The following FYB1 variants were observed in gnomAD, a reference collection of about 807,000 sequenced individuals.
FYB1 encodes FYN-binding protein 1.
A neutral mutation model predicts 94.1 loss-of-function variants in FYB1; 41 were observed. The ratio of observed to expected loss-of-function variants is 0.44; its 90% CI spans 0.34 to 0.57. The LOEUF (loss-of-function observed/expected upper bound fraction) is 0.57. FYB1 is among the 20% of genes least tolerant of loss of function. The probability of loss-of-function intolerance (pLI) is 0.02; values close to 1 mark genes in which losing one functional copy is unlikely to be tolerated. For missense variants in FYB1, 1,050 were observed against 976.8 expected (o/e 1.07, Z -1.00); for synonymous variants, 367 against 353.2 (o/e 1.04, Z -0.44).
intron 1 of FYB1, among the ~76,000 whole-genome samples, chr5:39,226,344 C>T (rs1750470828): frequency 6.6e-6 from 1 of 151,916 alleles, no homozygotes; most frequent in South Asian, 2.1e-4. Flanking sequence ...CATGATCTTC[C>T]TATGCTTAAC....
chr5:39,266,777 T>C (rs1467092828), intron 1 of FYB1, among the ~76,000 whole-genome samples: 1 of 152,156 alleles, frequency 6.6e-6, no homozygotes, highest in Admixed American at 6.5e-5. Context: ...AACATTTCAA[T>C]AAAGTGCACT....
At chr5:39,141,938 G>A (rs1327175516) in intron 3 of FYB1, among the ~76,000 whole-genome samples, 6 of 150,672 alleles carry the variant, frequency 4.0e-5, no homozygotes, top group Non-Finnish European at 8.8e-5. Context: ...AGATGCTTTT[G>A]TCTTGGCTTC....
chr5:39,218,071 T>TG (rs776919895), intron 1 of FYB1, among the ~76,000 whole-genome samples: 8 of 152,204 alleles, frequency 5.3e-5, no homozygotes, highest in Non-Finnish European at 8.8e-5. Context: ...CAGCAGAAGC[T>TG]GGGGGGAATT....
Position 39,246,290 on chromosome 5 carries a change from G to T in FYB1, c.-28+28113C>A, listed in dbSNP as rs968812381. ...CATCTGTCCACTAACCCATAAAATT[G>T]TAGATGTTTAAAGCTCAAGTGTAAG... On this transcript the variant is annotated intron_variant, in intron 1 of 1. Transcript: ENST00000510188. Among the ~76,000 whole-genome samples, 53 of 152,242 alleles carry T rather than the reference G, an allele frequency of 3.5e-4. 1 individual carries two copies. Among genetic ancestry groups the T allele is most frequent in the African/African-American group, 1.2e-3 (51 of 41,546 alleles).
At chr5:39,219,822 G>A (rs1239755875), upstream of FYB1, among the ~76,000 whole-genome samples, 1 of 152,154 alleles carries the variant, frequency 6.6e-6, no homozygotes, top group Non-Finnish European at 1.5e-5. Context: ...TTATTCAAGA[G>A]GAAGAAGCTG....
intron 1 of FYB1, among the ~76,000 whole-genome samples, chr5:39,211,782 C>G (rs984418777): frequency 6.6e-6 from 1 of 152,112 alleles, no homozygotes. Context: ...TCACTCCCAA[C>G]AAACACGAAA....
Position 39,202,386 on chromosome 5 carries a change from A to T in FYB1, c.575T>A (p.Leu192His). 6.2e-7 allele frequency: 1 copy of T among 1,613,866 alleles called. No homozygotes were observed. Among genetic ancestry groups the T allele is most frequent in the Non-Finnish European group, 8.5e-7 (1 of 1,179,876 alleles). The part of the protein sequence containing the change: ...SASQDLEPKP[L>H]FPKPAFGQKP... ...CTGGCCAAAGGCGGGTTTGGGGAAG[A>T]GGGGCTTGGGTTCAAGATCTTGTGA... The change falls in exon 2 of 19, where the codon CTC becomes CAC. Residue 192 changes from leucine to histidine, a missense_variant. By Grantham distance (99) the Leu-to-His change is moderately conservative (BLOSUM62 -3). Transcript: ENST00000512982.
rs1561230374 is a variant in FYB1, at chr5:39,185,627, C to CATATATATATACACACAT, written c.1135+16198_1135+16199insATGTGTGTATATATATAT. On this transcript the variant is annotated intron_variant, in intron 2 of 18. Transcript: ENST00000512982. ...ATATACACATATATATATATACACA[C>CATATATATATACACACAT]ATATATATATATATACACACACACA... Among the ~76,000 whole-genome samples the CATATATATATACACACAT allele has an allele frequency of 9.3e-3, 1,298 of 139,854 alleles. 26 individuals carry two copies. Among genetic ancestry groups the CATATATATATACACACAT allele is most frequent in the African/African-American group, 0.035 (1,230 of 34,828 alleles). 91.7% of individuals were successfully genotyped at this position (139,854 alleles called of 152,430 possible).
chr5:39,238,290 C>T (rs1299922317), intron 1 of FYB1, among the ~76,000 whole-genome samples: 1 of 151,734 alleles, frequency 6.6e-6, no homozygotes, highest in African/African-American at 2.4e-5. Flanking sequence ...CGTGTATGTG[C>T]ATAAAATTCC....
intron 4 of FYB1, 181 bp from the exon 5 acceptor site, chr5:39,139,433 T>C (rs1741956498): frequency 2.2e-6 from 1 of 457,924 alleles, no homozygotes; most frequent in Admixed American, 4.3e-5. Flanking sequence ...ATGGCTTTTA[T>C]TTGTGCTGGT....
intron 1 of FYB1, among the ~76,000 whole-genome samples, chr5:39,235,573 GT>G (rs72403365): frequency 0.03 from 4,217 of 139,698 alleles, 139 homozygotes; most frequent in African/African-American, 0.092. Flanking sequence ...ATCTTTACTT[GT>G]TTTTTTTTTT....
Position 39,105,612 on chromosome 5 carries a change from C to G in FYB1, c.*1831G>C, listed in dbSNP as rs1005427215. On this transcript the variant is annotated 3_prime_UTR_variant, in exon 19 of 19. Transcript: ENST00000512982. Reference sequence around the variant, plus strand: ...GTCTCAGGGCACTCTGAAAGTTTAGCAAGCTTATCAAGGAGTCCTCAAACT... The same window carrying G: ...GTCTCAGGGCACTCTGAAAGTTTAGGAAGCTTATCAAGGAGTCCTCAAACT... The G allele has an allele frequency of 2.0e-5, 3 of 152,130 alleles. No homozygotes were observed. Among genetic ancestry groups the G allele is most frequent in the Non-Finnish European group, 4.4e-5 (3 of 68,016 alleles). The allele number at this position is 152,130 out of a possible 1,614,324, so 9.4% of individuals were successfully genotyped here. A position where few individuals can be genotyped will look rare whatever the true frequency, so the allele number is the denominator to read the frequency against.
intron 2 of FYB1, among the ~76,000 whole-genome samples, chr5:39,192,349 T>C (rs953376455): frequency 1.1e-4 from 17 of 152,252 alleles, no homozygotes; most frequent in Non-Finnish European, 1.5e-4. Context: ...TATATAATTT[T>C]GATCAAATTA....
chr5:39,197,847 A>G (rs572303809), intron 2 of FYB1, among the ~76,000 whole-genome samples: 2 of 152,336 alleles, frequency 1.3e-5, no homozygotes, highest in Admixed American at 6.5e-5. Context: ...ATCTGAGCGC[A>G]GAAATTTCAT....
chr5:39,126,043 C>T lies in FYB1; in HGVS notation c.2000G>A (p.Arg667Gln), dbSNP rs199924788. 473 of 1,613,418 alleles carry T rather than the reference C, an allele frequency of 2.9e-4. 3 individuals are homozygous for T. The Middle Eastern group carries it at 7.1e-3, about 24-fold the overall frequency. The change falls in exon 12 of 19, where the codon CGA (arginine) becomes CAA (glutamine). Residue 667 changes from arginine (R) to glutamine (Q), a missense_variant. Transcript: ENST00000512982. The part of the protein sequence containing the change: ...KGKDDRKKSI[R>Q]EKPKVSDSDN... ...TGAGTCAGAGACTTTAGGTTTCTCT[C>T]GTATACTTTTCTTTCTGTCATCTTT...
intron 2 of FYB1, among the ~76,000 whole-genome samples, chr5:39,184,497 T>C (rs834253): frequency 0.98 from 148,961 of 152,300 alleles, 72,919 homozygotes; most frequent in Non-Finnish European, 1. Context: ...CACTGGGTAA[T>C]ACTCACAGAC....
chr5:39,178,050 T>C (rs564523372), intron 2 of FYB1, among the ~76,000 whole-genome samples: 1 of 152,366 alleles, frequency 6.6e-6, no homozygotes, highest in African/African-American at 2.4e-5. Flanking sequence ...GTTACCTGCA[T>C]TGACCTCATG....
intron 2 of FYB1, among the ~76,000 whole-genome samples, chr5:39,185,609 CATAT>C (rs1233732232): frequency 7.2e-6 from 1 of 138,876 alleles, no homozygotes; most frequent in Non-Finnish European, 1.5e-5. Context: ...TATATATACA[CATAT>C]ATATATATAC....
intron 1 of FYB1, among the ~76,000 whole-genome samples, chr5:39,266,555 TC>T (rs1419927372): frequency 1.3e-5 from 2 of 152,192 alleles, no homozygotes; most frequent in African/African-American, 2.4e-5. Context: ...AACGTGAATT[TC>T]CTTATAACCA....
Sources: gnomAD v4.1 joint callset for allele counts (sites outside exome capture counted in the v4.1 genomes callset) on GRCh38, gnomAD v4.1.1 for gene constraint, MANE v1.5 for transcripts, NCBI Gene and HGNC (gene_info 2026-07-23, HGNC 2026-07-21) for gene names.